The following SH3BP5 variants were observed in gnomAD, a reference collection of about 807,000 sequenced individuals.
The protein encoded by SH3BP5 is SH3 domain binding protein 5, also known as SH3 domain-binding protein 5.
SH3BP5 carries 22 observed loss-of-function variants against 43.3 expected under a neutral mutation model. The observed-to-expected ratio is 0.51, with a 90% CI of 0.36 to 0.73. The LOEUF (loss-of-function observed/expected upper bound fraction) is 0.73. Ranked by LOEUF, SH3BP5 falls within the 30% of genes least tolerant of loss-of-function variation. The probability of loss-of-function intolerance (pLI) is 0.00; values close to 1 mark genes in which losing one functional copy is unlikely to be tolerated. For synonymous variants in SH3BP5, 255 were observed against 225.8 expected (o/e 1.13, Z -1.16); for missense variants, 529 against 586.9 (o/e 0.90, Z 1.02).
intron 4 of SH3BP5, among the ~76,000 whole-genome samples, chr3:15,262,969 G>A (rs1044881372): frequency 3.9e-5 from 6 of 152,054 alleles, no homozygotes; most frequent in African/African-American, 1.4e-4. Flanking sequence ...AAATATATAT[G>A]TATATATAGA....
At chr3:15,284,024 T>C (rs1371520773) in intron 3 of SH3BP5, among the ~76,000 whole-genome samples, 1 of 152,178 alleles carries the variant, frequency 6.6e-6, no homozygotes, top group Non-Finnish European at 1.5e-5. Flanking sequence ...TACCCAGGTC[T>C]CCGACTCTGA....
chr3:15,337,836 G>C (rs1575363490), intron 1 of SH3BP5, among the ~76,000 whole-genome samples: 1 of 144,006 alleles, frequency 6.9e-6, no homozygotes, highest in African/African-American at 2.6e-5. Flanking sequence ...GATCCCCTGA[G>C]CCCAGGAGCT....
At chr3:15,305,898 G>T (rs537652638) in intron 2 of SH3BP5, among the ~76,000 whole-genome samples, 2 of 150,980 alleles carry the variant, frequency 1.3e-5, no homozygotes, top group East Asian at 3.9e-4. Flanking sequence ...GGTATAAGGA[G>T]AGAAAAAAAA....
chr3:15,303,571 G>T (rs534545719), intron 3 of SH3BP5, among the ~76,000 whole-genome samples: 5 of 151,920 alleles, frequency 3.3e-5, no homozygotes, highest in African/African-American at 1.2e-4. Flanking sequence ...TCTGGTCTCC[G>T]TTTCACTGCT....
intron 3 of SH3BP5, among the ~76,000 whole-genome samples, chr3:15,302,757 T>G (rs949769377): frequency 1.3e-5 from 2 of 152,136 alleles, no homozygotes; most frequent in African/African-American, 4.8e-5. Flanking sequence ...ACTGTGCACA[T>G]ACACAGTAGG....
At chr3:15,268,515 A>G (rs1435013724) in intron 4 of SH3BP5, among the ~76,000 whole-genome samples, 1 of 152,092 alleles carries the variant, frequency 6.6e-6, no homozygotes, top group Admixed American at 6.6e-5. Context: ...AGGCGCTGGG[A>G]ATCTAGACAG....
intron 7 of SH3BP5, chr3:15,258,586 TCAAAGAG>T (rs1696311614): frequency 1.1e-5 from 6 of 542,900 alleles, no homozygotes; most frequent in Non-Finnish European, 2.0e-5. Context: ...ACTTTGACTC[TCAAAGAG>T]GAGTGAAGGT....
intron 3 of SH3BP5, among the ~76,000 whole-genome samples, chr3:15,298,307 T>C (rs75065683): frequency 0.016 from 2,382 of 152,258 alleles, 29 homozygotes; most frequent in South Asian, 0.034. Context: ...GGCACAGAGA[T>C]TAGGTAACCT....
chr3:15,263,729 C>T (rs1279188286), intron 4 of SH3BP5, among the ~76,000 whole-genome samples: 1 of 152,222 alleles, frequency 6.6e-6, no homozygotes, highest in African/African-American at 2.4e-5. Context: ...TGCTTACCTA[C>T]AGAAAAGCAT....
chr3:15,312,810 C>T (rs1698091963), intron 2 of SH3BP5, among the ~76,000 whole-genome samples: 1 of 152,160 alleles, frequency 6.6e-6, no homozygotes, highest in Non-Finnish European at 1.5e-5. Flanking sequence ...AACAACATAA[C>T]ATTACTCTGA....
upstream of SH3BP5, among the ~76,000 whole-genome samples, chr3:15,336,482 A>G (rs1268549031): frequency 6.6e-6 from 1 of 152,208 alleles, no homozygotes; most frequent in African/African-American, 2.4e-5. Flanking sequence ...AAGGAGATCC[A>G]TTAGCCTGAT....
chr3:15,341,348 C>A (rs11914645), exon 1 of SH3BP5: 2,133 of 152,664 alleles, frequency 0.014, 48 homozygotes, highest in African/African-American at 0.046. Context: ...CCAAATGTCA[C>A]ATCCATAGCA....
At chr3:15,319,154 A>T (rs1698257608) in intron 2 of SH3BP5, among the ~76,000 whole-genome samples, 1 of 152,214 alleles carries the variant, frequency 6.6e-6, no homozygotes, top group Non-Finnish European at 1.5e-5. Flanking sequence ...TAGGTATTGA[A>T]GCCATGCCAT....
intron 3 of SH3BP5, among the ~76,000 whole-genome samples, chr3:15,281,899 G>T (rs1387689192): frequency 6.6e-6 from 1 of 152,152 alleles, no homozygotes; most frequent in African/African-American, 2.4e-5. Context: ...AGCTACTCAG[G>T]AGGCTGAGGC....
chr3:15,320,641 C>CACACA (rs56319701), intron 2 of SH3BP5, among the ~76,000 whole-genome samples: 2 of 128,634 alleles, frequency 1.6e-5, no homozygotes, highest in Non-Finnish European at 3.2e-5. Flanking sequence ...CACACACACA[C>CACACA]CCCACTACGT....
intron 3 of SH3BP5, among the ~76,000 whole-genome samples, chr3:15,287,811 A>G (rs1697307137): frequency 6.6e-6 from 1 of 152,198 alleles, no homozygotes; most frequent in Non-Finnish European, 1.5e-5. Context: ...ACGTGCGTGT[A>G]CACTGAACCA....
At chr3:15,301,700 G>A (rs1217970694) in intron 3 of SH3BP5, among the ~76,000 whole-genome samples, 1 of 152,016 alleles carries the variant, frequency 6.6e-6, no homozygotes, top group African/African-American at 2.4e-5. Flanking sequence ...GCCAAACAGA[G>A]GGACACCACC....
At chr3:15,269,378 T>C (rs989068530) in intron 4 of SH3BP5, among the ~76,000 whole-genome samples, 3 of 152,144 alleles carry the variant, frequency 2.0e-5, no homozygotes, top group Non-Finnish European at 2.9e-5. Flanking sequence ...CCAGCCAGTA[T>C]TGCTGGGGTT....
In SH3BP5 at chr3:15,331,256, T is replaced by C. The variant is rs1698600997; in HGVS notation, c.139-690A>G. Among the ~76,000 whole-genome samples, 6 of 152,316 alleles carry C rather than the reference T, an allele frequency of 3.9e-5. No homozygotes were observed. In the South Asian group the frequency reaches 1.2e-3, roughly 32 times the overall value. Reference sequence around the variant, plus strand: ...AACCAATTACTTTAATTAATAGCATTCCTAATGCAAGGATTTTTTTTCCAC... The same window carrying C: ...AACCAATTACTTTAATTAATAGCATCCCTAATGCAAGGATTTTTTTTCCAC... On this transcript the variant is annotated intron_variant, in intron 1 of 8. Coordinates refer to ENST00000383791, the MANE Select transcript of SH3BP5 (RefSeq NM_004844.5).
Sources: allele counts gnomAD v4.1 joint callset (sites outside exome capture counted in the v4.1 genomes callset), GRCh38; gene constraint gnomAD v4.1.1; transcripts MANE v1.5; gene names NCBI Gene and HGNC (gene_info 2026-07-23, HGNC 2026-07-21).